Variants in SMIM41 observed in about 807,000 individuals in gnomAD.
SMIM41 encodes small integral membrane protein 41.
At chr12:52,083,823 T>C (rs1230814273) in intron 1 of SMIM41, 71 bp from the exon 2 acceptor site, 1 of 152,216 alleles carries the variant, frequency 6.6e-6, no homozygotes, top group Non-Finnish European at 1.5e-5. Context: ...TGCTTATTTA[T>C]TGAAAAAAGT....
At chr12:52,091,250 C>G (rs570598588) in intron 2 of SMIM41, among the ~76,000 whole-genome samples, 15 of 152,306 alleles carry the variant, frequency 9.8e-5, no homozygotes, top group Admixed American at 8.5e-4. Context: ...TCACGGGTTT[C>G]AGGTTTCAGG....
chr12:52,101,952 A>G (rs554193435), intron 2 of SMIM41, among the ~76,000 whole-genome samples: 22 of 152,226 alleles, frequency 1.4e-4, no homozygotes, highest in African/African-American at 4.8e-4. Flanking sequence ...ACCTCAGGTG[A>G]TCCGCCCACC....
At chr12:52,100,293 G>A (rs1164264934) in intron 2 of SMIM41, among the ~76,000 whole-genome samples, 2 of 151,928 alleles carry the variant, frequency 1.3e-5, no homozygotes, top group African/African-American at 4.8e-5. Context: ...TGCGATATTG[G>A]GAGTAATATC....
At chr12:52,086,230 G>T (rs1004300296) in intron 2 of SMIM41, among the ~76,000 whole-genome samples, 11 of 152,090 alleles carry the variant, frequency 7.2e-5, no homozygotes, top group Non-Finnish European at 1.6e-4. Context: ...CAGTTCTGGG[G>T]TGCTGAGAGG....
chr12:52,100,622 ATT>A (rs1173057236), intron 2 of SMIM41, among the ~76,000 whole-genome samples: 2,901 of 111,006 alleles, frequency 0.026, 13 homozygotes, highest in South Asian at 0.073. Context: ...GCGCCCAGCT[ATT>A]TTTTTTTTTT....
Position 52,088,589 on chromosome 12 carries a change from C to T in SMIM41, c.*195+4621C>T, listed in dbSNP as rs142369145. On this transcript the variant is annotated intron_variant, in intron 2 of 2. Transcript: ENST00000546390. ...CCCCGATTCCCCTCCACAGCCAGTG[C>T]GTCACCAAATATGGTCCCTTCTGCC... Among the ~76,000 whole-genome samples, 28 of 152,336 alleles carry T rather than the reference C, an allele frequency of 1.8e-4. No individual in the cohort carries two copies. The East Asian group carries it at 3.7e-3, about 20-fold the overall frequency.
intron 2 of SMIM41, among the ~76,000 whole-genome samples, chr12:52,094,191 T>G (rs1940051459): frequency 6.9e-6 from 1 of 145,380 alleles, no homozygotes; most frequent in Non-Finnish European, 1.5e-5. Context: ...TCCTATGAAG[T>G]TTTTGATTTT....
At chr12:52,101,714 G>GT (rs879348592) in intron 2 of SMIM41, among the ~76,000 whole-genome samples, 2,857 of 147,404 alleles carry the variant, frequency 0.019, 32 homozygotes, top group Non-Finnish European at 0.026. Flanking sequence ...CTGTTTTTTT[G>GT]TTTTTTTTTT....
Position 52,103,949 on chromosome 12 carries a change from G to A in SMIM41, c.*196-3430G>A, listed in dbSNP as rs533572595. 2.4e-4 allele frequency among the ~76,000 whole-genome samples: 37 copies of A among 152,206 alleles called. 2 individuals carry two copies. In the South Asian group the frequency reaches 7.1e-3, roughly 29 times the overall value. ...TGTTCTGGAGATGATGGCGGTGATG[G>A]TTGCTAAACAATGTGAATGTACTTA... On this transcript the variant is annotated intron_variant, in intron 2 of 2. Coordinates refer to ENST00000546390, the MANE Select transcript of SMIM41 (RefSeq NM_001369216.1).
At chr12:52,098,292 T>G (rs930208031) in intron 2 of SMIM41, among the ~76,000 whole-genome samples, 7 of 152,014 alleles carry the variant, frequency 4.6e-5, no homozygotes, top group African/African-American at 1.7e-4. Flanking sequence ...ACAAGGGGCG[T>G]GTACACACAC....
chr12:52,097,944 TCCCCCG>T (rs1379304751), intron 2 of SMIM41, among the ~76,000 whole-genome samples: 3 of 148,962 alleles, frequency 2.0e-5, no homozygotes. Context: ...TGTTATCCTC[TCCCCCG>T]CCCCCGCCCC....
In SMIM41 at chr12:52,081,364, C is replaced by T. The variant is rs528304167; in HGVS notation, c.*120+1183C>T. Reference sequence around the variant, plus strand: ...CAGGCTGAGTGCCTGTGAGGGGCAGCGGGAGGGTGTGGGCAGGTGCAGCTA... The same window carrying T: ...CAGGCTGAGTGCCTGTGAGGGGCAGTGGGAGGGTGTGGGCAGGTGCAGCTA... On this transcript the variant is annotated intron_variant, in intron 1 of 2. Coordinates refer to ENST00000546390, the MANE Select transcript of SMIM41 (RefSeq NM_001369216.1). The surrounding 1 kb of genome is among the most constrained non-coding windows in gnomAD (Gnocchi z 4.1). Among the ~76,000 whole-genome samples the T allele has an allele frequency of 6.0e-4, 91 of 152,096 alleles. 1 individual carries two copies. Among genetic ancestry groups the T allele is most frequent in the African/African-American group, 2.1e-3 (87 of 41,476 alleles).
rs981793358 is a variant in SMIM41 at position 52,080,200 on chromosome 12, G to C, written c.*120+19G>C. 6.4e-5 allele frequency: 20 copies of C among 312,454 alleles called. No homozygotes were observed. Among genetic ancestry groups the C allele is most frequent in the Non-Finnish European group, 1.8e-5 (3 of 170,588 alleles). 19.4% of individuals were successfully genotyped at this position (312,454 alleles called of 1,614,324 possible). On this transcript the variant is annotated intron_variant, in intron 1 of 2. Coordinates refer to ENST00000546390, the MANE Select transcript of SMIM41 (RefSeq NM_001369216.1). ...CACACAGGTGAGAGGGAGGGTAGCA[G>C]GAGTGTGGGCGCGGGGGTTCGGGGG...
intron 2 of SMIM41, among the ~76,000 whole-genome samples, chr12:52,096,882 G>A (rs1002686921): frequency 6.6e-6 from 1 of 152,026 alleles, no homozygotes; most frequent in African/African-American, 2.4e-5. Context: ...GCCAGGGGTA[G>A]ACGATGACAT....
intron 2 of SMIM41, among the ~76,000 whole-genome samples, chr12:52,085,126 C>A (rs1336039760): frequency 6.6e-6 from 1 of 152,198 alleles, no homozygotes; most frequent in Non-Finnish European, 1.5e-5. Flanking sequence ...ATATTTGGCT[C>A]AGGCAGAAGG....
chr12:52,099,337 G>A (rs1016996493), intron 2 of SMIM41, among the ~76,000 whole-genome samples: 3 of 151,756 alleles, frequency 2.0e-5, no homozygotes, highest in Admixed American at 6.6e-5. Context: ...GTAATATCAC[G>A]GGTGGTTTAC....
intron 2 of SMIM41, among the ~76,000 whole-genome samples, chr12:52,100,691 T>C (rs1940201466): frequency 2.0e-5 from 3 of 151,022 alleles, no homozygotes; most frequent in African/African-American, 7.3e-5. Flanking sequence ...CAGGCTGGTC[T>C]TGAACTCCCG....
At chr12:52,090,866 G>T (rs963838923) in intron 2 of SMIM41, among the ~76,000 whole-genome samples, 1 of 152,136 alleles carries the variant, frequency 6.6e-6, no homozygotes, top group Non-Finnish European at 1.5e-5. Flanking sequence ...CAGATCCCAC[G>T]CCTGGCTGCC....
Position 52,079,932 on chromosome 12 carries a change from C to T in SMIM41, c.153C>T (p.Val51=), listed in dbSNP as rs1939792912. 15 of 387,520 alleles carry T rather than the reference C, an allele frequency of 3.9e-5. No individual in the cohort carries two copies. In the East Asian group the frequency reaches 5.6e-4, roughly 14 times the overall value. 24.0% of individuals were successfully genotyped at this position (387,520 alleles called of 1,614,324 possible). ...GVLSLLVLCG[V]LFLGGGLLLR... is the part of the protein sequence containing the mutation. Reference sequence around the variant, plus strand: ...TGTCCCTGCTGGTGCTTTGCGGGGTCCTGTTCCTGGGCGGCGGCCTCCTCC... The same window carrying T: ...TGTCCCTGCTGGTGCTTTGCGGGGTTCTGTTCCTGGGCGGCGGCCTCCTCC... The change falls in exon 1 of 3, where the codon GTC becomes GTT. Residue 51 remains valine (V), a synonymous_variant. Transcript: ENST00000546390.
Sources: allele counts gnomAD v4.1 joint callset (sites outside exome capture counted in the v4.1 genomes callset), GRCh38; gene constraint gnomAD v4.1.1; non-coding constraint Gnocchi (gnomAD v3.1); transcripts MANE v1.5; gene names NCBI Gene and HGNC (gene_info 2026-07-23, HGNC 2026-07-21).